MAGI1: variants seen among roughly 807,000 people sequenced by gnomAD.
MAGI1 encodes the protein membrane-associated guanylate kinase, WW and PDZ domain-containing protein 1.
Under a neutral mutation model 139.9 loss-of-function variants are expected in MAGI1, and 58 were observed. The ratio of observed to expected loss-of-function variants is 0.41; its 90% CI spans 0.34 to 0.52. The LOEUF (loss-of-function observed/expected upper bound fraction) is 0.52, where lower values mean the gene tolerates loss of function less well. Ranked by LOEUF, MAGI1 falls within the 20% of genes least tolerant of loss-of-function variation. The probability of loss-of-function intolerance (pLI) is 0.12; values close to 1 mark genes in which losing one functional copy is unlikely to be tolerated. For synonymous variants in MAGI1, 812 were observed against 737.9 expected (o/e 1.10, Z -1.63); for missense variants, 1,874 against 1,901.6 (o/e 0.99, Z 0.27).
chr3:65,629,857 CG>C (rs60409460), intron 1 of MAGI1, among the ~76,000 whole-genome samples: 7,921 of 151,978 alleles, frequency 0.052, 416 homozygotes, highest in African/African-American at 0.13. Context: ...AAATGGATGG[CG>C]GTGACGGATG....
intron 2 of MAGI1, among the ~76,000 whole-genome samples, chr3:65,572,899 G>A (rs767210811): frequency 6.6e-6 from 1 of 150,746 alleles, no homozygotes; most frequent in Non-Finnish European, 1.5e-5. Flanking sequence ...TTTCCAGAAG[G>A]GTCAAACTCT....
intron 2 of MAGI1, among the ~76,000 whole-genome samples, chr3:65,503,711 G>A (rs2077171513): frequency 4.6e-5 from 7 of 152,180 alleles, no homozygotes; most frequent in Admixed American, 4.6e-4. Flanking sequence ...AAATAAATAA[G>A]GACTTGGCAT....
At chr3:65,663,150 AAATTT>A (rs2086298801) in intron 1 of MAGI1, among the ~76,000 whole-genome samples, 1 of 152,248 alleles carries the variant, frequency 6.6e-6, no homozygotes, top group African/African-American at 2.4e-5. Flanking sequence ...ATACAAATAT[AAATTT>A]AACATAGTAA....
chr3:65,979,091 C>CCT (rs1553742256), intron 1 of MAGI1, among the ~76,000 whole-genome samples: 1 of 102,254 alleles, frequency 9.8e-6, no homozygotes, highest in Non-Finnish European at 1.9e-5. Context: ...CTTTTCTTCC[C>CCT]CCCCCCCGCC....
At chr3:65,912,118 T>TC (rs2061695122) in intron 1 of MAGI1, among the ~76,000 whole-genome samples, 1 of 151,876 alleles carries the variant, frequency 6.6e-6, no homozygotes, top group Non-Finnish European at 1.5e-5. Context: ...ATCTCTCGAG[T>TC]CTAGATATGA....
intron 1 of MAGI1, among the ~76,000 whole-genome samples, chr3:65,788,625 C>T (rs1178954089): frequency 6.6e-6 from 1 of 152,196 alleles, no homozygotes; most frequent in Admixed American, 6.5e-5. Flanking sequence ...AAAATCATCT[C>T]TACGGTAGCT....
chr3:65,841,454 T>G (rs2058803598), intron 1 of MAGI1, among the ~76,000 whole-genome samples: 2 of 38,154 alleles, frequency 5.2e-5, no homozygotes, highest in African/African-American at 1.3e-4. Context: ...TTTGTTTTTG[T>G]TTTTTTTTTG....
intron 1 of MAGI1, among the ~76,000 whole-genome samples, chr3:65,828,542 G>A (rs1047769090): frequency 4.6e-5 from 7 of 152,144 alleles, no homozygotes; most frequent in African/African-American, 1.7e-4. Context: ...AGTGGTTAAT[G>A]ATAATGCTGT....
At chr3:65,405,479 T>C (rs1415028251) in intron 12 of MAGI1, among the ~76,000 whole-genome samples, 1 of 152,236 alleles carries the variant, frequency 6.6e-6, no homozygotes, top group African/African-American at 2.4e-5. Context: ...CTTTGGCTCA[T>C]GGGATTATGC....
chr3:65,918,336 G>A (rs2062005751), intron 1 of MAGI1, among the ~76,000 whole-genome samples: 1 of 151,030 alleles, frequency 6.6e-6, no homozygotes, highest in African/African-American at 2.4e-5. Flanking sequence ...ATCTGGGGTT[G>A]GGAACATATA....
intron 1 of MAGI1, among the ~76,000 whole-genome samples, chr3:65,717,087 A>G (rs2107671863): frequency 6.6e-6 from 1 of 152,318 alleles, no homozygotes; most frequent in East Asian, 1.9e-4. Context: ...GGATGGGCAA[A>G]TCACATGAAT....
At chr3:65,421,409 AAATT>A in intron 12 of MAGI1, among the ~76,000 whole-genome samples, 1 of 152,134 alleles carries the variant, frequency 6.6e-6, no homozygotes, top group Non-Finnish European at 1.5e-5. Context: ...TCAACTTACA[AAATT>A]ATTAGAAAAT....
intron 2 of MAGI1, among the ~76,000 whole-genome samples, chr3:65,539,205 T>C (rs2079095647): frequency 6.6e-6 from 1 of 151,480 alleles, no homozygotes; most frequent in Non-Finnish European, 1.5e-5. Context: ...CAAACTACCA[T>C]CAACTGGAAA....
intron 2 of MAGI1, among the ~76,000 whole-genome samples, chr3:65,607,802 G>A (rs1014886093): frequency 4.6e-5 from 7 of 152,078 alleles, no homozygotes; most frequent in Admixed American, 3.3e-4. Flanking sequence ...GAACAAATCA[G>A]GTGTTTCGGC....
At chr3:65,468,730 G>T (rs1322824313) in intron 5 of MAGI1, among the ~76,000 whole-genome samples, 1 of 151,800 alleles carries the variant, frequency 6.6e-6, no homozygotes, top group Non-Finnish European at 1.5e-5. Flanking sequence ...CATATGTTTA[G>T]AAAAATCATA....
Position 65,355,604 on chromosome 3 carries a change from C to G in MAGI1, c.*774G>C, listed in dbSNP as rs1312934443. On this transcript the variant is annotated 3_prime_UTR_variant, in exon 23 of 23. Coordinates refer to ENST00000402939, the MANE Select transcript of MAGI1 (RefSeq NM_001033057.2). ...AGCAAAGCTGTGATGGCATTGCCTT[C>G]AATGAGATTTTATCAGATGTTGGTG... 3 of 152,668 alleles carry G rather than the reference C, an allele frequency of 2.0e-5. No homozygotes were observed. Among genetic ancestry groups the G allele is most frequent in the Admixed American group, 1.3e-4 (2 of 15,290 alleles). The allele number at this position is 152,668 out of a possible 1,614,324, so 9.5% of individuals were successfully genotyped here.
rs71102883 is a variant in MAGI1 at position 65,811,927 on chromosome 3, C to CGTGTGTGT, written c.314-189847_314-189840dup. Among the ~76,000 whole-genome samples, 28 of 148,444 alleles carry CGTGTGTGT rather than the reference C, an allele frequency of 1.9e-4. 1 individual carries two copies. The highest frequency in any genetic ancestry group is 3.5e-3 in the Middle Eastern group (1 of 286). On this transcript the variant is annotated intron_variant, in intron 1 of 22. Coordinates refer to ENST00000402939, the MANE Select transcript of MAGI1 (RefSeq NM_001033057.2). The stretch of plus-strand genomic sequence containing the variant: ...AATTTTTAAATCTTTTGTATGTTTA[C>CGTGTGTGT]GTGTGTGTGTGTGTGTGTGTGTGTG...
chr3:65,881,721 G>T (rs189409159), intron 1 of MAGI1, among the ~76,000 whole-genome samples: 1 of 152,118 alleles, frequency 6.6e-6, no homozygotes, highest in African/African-American at 2.4e-5. Context: ...TCTTAAGAAC[G>T]TCTAGGTGTA....
intron 1 of MAGI1, among the ~76,000 whole-genome samples, chr3:65,884,093 TAAACAGAGAGTAGAAG>T (rs1397307231): frequency 6.6e-6 from 1 of 152,074 alleles, no homozygotes; most frequent in African/African-American, 2.4e-5. Flanking sequence ...AAGAGCAAGA[TAAACAGAGAGTAGAAG>T]AAACCAACCA....
Sources: gnomAD v4.1 joint callset for allele counts (sites outside exome capture counted in the v4.1 genomes callset) on GRCh38, gnomAD v4.1.1 for gene constraint, MANE v1.5 for transcripts, NCBI Gene and HGNC (gene_info 2026-07-23, HGNC 2026-07-21) for gene names.